Variants in ZFAT observed in about 807,000 individuals in gnomAD.
ZFAT encodes the protein zinc finger protein ZFAT.
Under a neutral mutation model 117.7 loss-of-function variants are expected in ZFAT, and 64 were observed. The ratio of observed to expected loss-of-function variants is 0.54; its 90% confidence interval spans 0.44 to 0.67. The LOEUF (loss-of-function observed/expected upper bound fraction) is 0.67. Ranked by LOEUF, ZFAT falls within the 30% of genes least tolerant of loss-of-function variation. The pLI, the probability that ZFAT is intolerant of heterozygous loss-of-function variation, is 0.00. For missense variants in ZFAT, 1,433 were observed against 1,584.5 expected (o/e 0.90, Z 1.62); for synonymous variants, 679 against 615.0 (o/e 1.10, Z -1.54).
At chr8:134,782,180 A>G in the ZFAT span, among the ~76,000 whole-genome samples, 1 of 152,248 alleles carries the variant, frequency 6.6e-6, no homozygotes, top group Non-Finnish European at 1.5e-5. Flanking sequence ...GTTATTTGTA[A>G]AAGAGGTAGC....
chr8:134,609,985 A>G (rs1440742525), intron 4 of ZFAT, among the ~76,000 whole-genome samples: 1 of 152,230 alleles, frequency 6.6e-6, no homozygotes, highest in Non-Finnish European at 1.5e-5. Flanking sequence ...GTGGGTATCT[A>G]TGTCAGTTTA....
intron 1 of ZFAT, among the ~76,000 whole-genome samples, chr8:134,676,071 C>G (rs1832781646): frequency 6.6e-6 from 1 of 152,026 alleles, no homozygotes; most frequent in Non-Finnish European, 1.5e-5. Flanking sequence ...ATCATAATGA[C>G]AGGATCAAAT....
At chr8:134,832,070 G>A in the ZFAT span, among the ~76,000 whole-genome samples, 27 of 149,580 alleles carry the variant, frequency 1.8e-4, no homozygotes, top group East Asian at 3.8e-3. Flanking sequence ...CCCCGAGCCC[G>A]AGGCGCGCCT....
chr8:134,490,528 A>G (rs1331270681), intron 15 of ZFAT, among the ~76,000 whole-genome samples: 1 of 152,238 alleles, frequency 6.6e-6, no homozygotes, highest in Non-Finnish European at 1.5e-5. Flanking sequence ...TGTGCCTTCA[A>G]ATACACAAGG....
intron 15 of ZFAT, among the ~76,000 whole-genome samples, chr8:134,483,349 G>A (rs1817449721): frequency 6.6e-6 from 1 of 152,144 alleles, no homozygotes; most frequent in Admixed American, 6.5e-5. Context: ...AGCAAAAGCT[G>A]GAACTTAGTC....
intron 9 of ZFAT, 95 bp from the exon 10 acceptor site, chr8:134,584,100 A>C: frequency 7.9e-7 from 1 of 1,264,514 alleles, no homozygotes; most frequent in Non-Finnish European, 1.1e-6. Flanking sequence ...ATCTAAATAC[A>C]CTTATAGATA....
intron 6 of ZFAT, among the ~76,000 whole-genome samples, chr8:134,601,080 G>A (rs1827406069): frequency 6.6e-6 from 1 of 152,168 alleles, no homozygotes; most frequent in African/African-American, 2.4e-5. Flanking sequence ...GTGAGTTGCA[G>A]GGTGCTATTT....
the ZFAT span, among the ~76,000 whole-genome samples, chr8:134,779,547 A>G: frequency 6.6e-6 from 1 of 152,272 alleles, no homozygotes. Flanking sequence ...TGCAACACTC[A>G]TGCTTGTGAG....
chr8:134,693,661 A>C (rs945867689), intron 1 of ZFAT, among the ~76,000 whole-genome samples: 7 of 152,260 alleles, frequency 4.6e-5, no homozygotes, highest in African/African-American at 1.7e-4. Flanking sequence ...GTAAATGCGG[A>C]AGAAATGACG....
chr8:134,778,455 G>A, the ZFAT span, among the ~76,000 whole-genome samples: 1 of 152,100 alleles, frequency 6.6e-6, no homozygotes, highest in Admixed American at 6.6e-5. Context: ...TAAGGCACTG[G>A]GACACTTCAC....
intron 15 of ZFAT, among the ~76,000 whole-genome samples, chr8:134,488,784 C>G (rs1196945559): frequency 6.6e-6 from 1 of 152,044 alleles, no homozygotes. Flanking sequence ...GCCAGGGATG[C>G]TTTCCTGAAG....
At chr8:134,660,624 C>T (rs1271053374) in intron 1 of ZFAT, among the ~76,000 whole-genome samples, 1 of 152,204 alleles carries the variant, frequency 6.6e-6, no homozygotes, top group Non-Finnish European at 1.5e-5. Flanking sequence ...AGAACAATCT[C>T]ATGTAATGTT....
At chr8:134,711,960 G>C (rs1334362962) in intron 1 of ZFAT, among the ~76,000 whole-genome samples, 1 of 152,234 alleles carries the variant, frequency 6.6e-6, no homozygotes, top group Non-Finnish European at 1.5e-5. Flanking sequence ...GTGAGAGGCA[G>C]CTGTGCGGGG....
chr8:134,520,986 G>A lies in ZFAT; in HGVS notation c.3131C>T (p.Pro1044Leu). 1 of 1,613,452 alleles carries A rather than the reference G, an allele frequency of 6.2e-7. No individual in the cohort carries two copies. The highest frequency in any genetic ancestry group is 8.5e-7 in the Non-Finnish European group (1 of 1,179,678). ...GGTGCCATATACAAAGCTGCAAACA[G>A]GACACTTCAAACCACCTGAAAGCAC... ...VLIQQGGLKC[P>L]VCSFVYGTKW... Residue 1044 changes from proline (P) to leucine (L), a missense_variant, in exon 13 of 16, where the codon CCT becomes CTT. Coordinates refer to ENST00000377838, the MANE Select transcript of ZFAT (RefSeq NM_020863.4).
the ZFAT span, among the ~76,000 whole-genome samples, chr8:134,757,060 A>G: frequency 3.1e-4 from 36 of 117,262 alleles, no homozygotes; most frequent in African/African-American, 1.0e-3. Flanking sequence ...CCTGTCGCCC[A>G]GGCTGGAGTG....
At chr8:134,773,751 G>A in the ZFAT span, among the ~76,000 whole-genome samples, 2 of 152,280 alleles carry the variant, frequency 1.3e-5, no homozygotes, top group African/African-American at 2.4e-5. Context: ...CAGATGTGGT[G>A]GGAAGAGCAA....
intron 2 of ZFAT, among the ~76,000 whole-genome samples, chr8:134,648,442 G>A (rs1416535746): frequency 6.6e-6 from 1 of 151,704 alleles, no homozygotes; most frequent in African/African-American, 2.4e-5. Flanking sequence ...AAAATAGCAA[G>A]ACCTAATTTG....
At chr8:134,739,295 G>A in the ZFAT span, among the ~76,000 whole-genome samples, 3 of 140,636 alleles carry the variant, frequency 2.1e-5, no homozygotes, top group African/African-American at 7.8e-5. Flanking sequence ...AGATGTGTGT[G>A]TGTGTGTGTG....
chr8:134,660,003 C>A (rs1027873304), intron 1 of ZFAT, among the ~76,000 whole-genome samples: 2 of 152,200 alleles, frequency 1.3e-5, no homozygotes, highest in Non-Finnish European at 2.9e-5. Flanking sequence ...TACTGCCAAT[C>A]GATATTATTT....
Sources: allele counts gnomAD v4.1 joint callset (sites outside exome capture counted in the v4.1 genomes callset), GRCh38; gene constraint gnomAD v4.1.1; transcripts MANE v1.5; gene names NCBI Gene and HGNC (gene_info 2026-07-23, HGNC 2026-07-21).